EXOSC10: variants seen among roughly 807,000 people sequenced by gnomAD.
EXOSC10 encodes exosome component 10.
EXOSC10 carries 94 observed loss-of-function variants against 126.6 expected under a neutral mutation model. The ratio of observed to expected loss-of-function variants is 0.74; its 90% confidence interval spans 0.63 to 0.88. EXOSC10 has a LOEUF of 0.88. Among genes scored for constraint, EXOSC10 ranks in the 40% least tolerant of loss-of-function variants. The pLI is 0.00. For missense variants in EXOSC10, 1,041 were observed against 1,100.5 expected, an observed-to-expected ratio of 0.95 and a Z score of 0.77; for synonymous variants, 395 against 400.8, an observed-to-expected ratio of 0.99 and a Z score of 0.17.
chr1:11,089,621 C>CAAAA (rs1228653546), intron 6 of EXOSC10, among the ~76,000 whole-genome samples: 2 of 98,318 alleles, frequency 2.0e-5, no homozygotes, highest in Non-Finnish European at 4.3e-5. Context: ...AACTCCGTCC[C>CAAAA]AAAAAAAAAA....
At chr1:11,084,858 T>C (rs202034213) in intron 9 of EXOSC10, among the ~76,000 whole-genome samples, 2,952 of 152,316 alleles carry the variant, frequency 0.019, 61 homozygotes, top group East Asian at 0.056. Flanking sequence ...TAGCCAGTTT[T>C]CCCAGCACCA....
At position 11,090,978 on chromosome 1, in the gene EXOSC10, T is replaced by C. The variant is rs1640770613; in HGVS notation, c.643+36A>G. On this transcript the variant is annotated intron_variant, in intron 5 of 24. Coordinates refer to ENST00000376936, the MANE Select transcript of EXOSC10 (RefSeq NM_001001998.3). ...TTCCTGGTTTTTGCATCAAATAAAG[T>C]GAGACTCAAACACAGGCAAAGTATG... 3.1e-6 allele frequency: 5 copies of C among 1,599,622 alleles called. No individual in the cohort carries two copies. In the South Asian group the frequency reaches 4.5e-5, roughly 14 times the overall value.
rs1640693208 is a variant in EXOSC10, at chr1:11,089,633, A to AG, written c.758+920_758+921insC. Among the ~76,000 whole-genome samples, 3 of 148,792 alleles carry AG rather than the reference A, an allele frequency of 2.0e-5. No homozygotes were observed. The South Asian group carries it at 6.3e-4, about 31-fold the overall frequency. On this transcript the variant is annotated intron_variant, in intron 6 of 24. Transcript: ENST00000376936. ...CGAAACTCCGTCCCAAAAAAAAAAA[A>AG]AAAGAAAGAAAGAAAGAAAGAAAGA...
intron 2 of EXOSC10, among the ~76,000 whole-genome samples, chr1:11,097,027 C>T (rs1273341189): frequency 6.6e-6 from 1 of 152,084 alleles, no homozygotes; most frequent in Non-Finnish European, 1.5e-5. Flanking sequence ...GCCTGGCCAA[C>T]ATGGTGAAAC....
At chr1:11,068,741 G>C (rs764240908) in intron 22 of EXOSC10, 35 bp from the exon 23 acceptor site, 1 of 1,554,034 alleles carries the variant, frequency 6.4e-7, no homozygotes, top group Non-Finnish European at 8.9e-7. Context: ...CCTGCGGTCA[G>C]GTCAATGAGT....
At chr1:11,096,903 C>A (rs1415806385) in intron 2 of EXOSC10, among the ~76,000 whole-genome samples, 1 of 152,026 alleles carries the variant, frequency 6.6e-6, no homozygotes, top group Non-Finnish European at 1.5e-5. Context: ...CATGGTGAAA[C>A]CCCATCTCTA....
chr1:11,075,229 G>C (rs1639741541), intron 17 of EXOSC10, among the ~76,000 whole-genome samples: 2 of 152,050 alleles, frequency 1.3e-5, no homozygotes, highest in South Asian at 2.1e-4. Context: ...ATGTTGGCCA[G>C]GCTGGTCTCA....
chr1:11,087,602 C>CA lies in EXOSC10; in HGVS notation c.946-12dup, dbSNP rs774088397. 62 of 1,613,204 alleles carry CA rather than the reference C, an allele frequency of 3.8e-5. No homozygotes were observed. In the Admixed American group the frequency reaches 1.0e-3, roughly 27 times the overall value. On this transcript the variant is annotated splice_polypyrimidine_tract_variant and intron_variant, in intron 8 of 24. Transcript: ENST00000376936. ...CCTGTAAGAGTGGTGCTAAACCCCACAGAAGGAGGGGAGAAGAGGAAAAAC... is the reference window on the plus strand; with the variant it reads ...CCTGTAAGAGTGGTGCTAAACCCCACAAGAAGGAGGGGAGAAGAGGAAAAAC...
At chr1:11,077,134 G>C in intron 16 of EXOSC10, 186 bp from the exon 17 acceptor site, 1 of 621,866 alleles carries the variant, frequency 1.6e-6, no homozygotes, top group Non-Finnish European at 2.8e-6. Flanking sequence ...TAAGATTACA[G>C]GTGCCCACCA....
intron 23 of EXOSC10, chr1:11,068,379 A>T: frequency 1.7e-6 from 1 of 590,734 alleles, no homozygotes. Context: ...TGCTGGCCCC[A>T]AAGGGGGTGC....
At position 11,099,794 on chromosome 1, in the gene EXOSC10, G is replaced by A. The variant is rs146839323; in HGVS notation, c.38C>T (p.Ser13Leu). ...GTCGGATTTGGTTGCGCTGGTCGCC[G>A]ACAGGACCCTGGGCTCCCGGGTACT... Reference protein sequence around the residue: ...PPSTREPRVLSATSATKSDGE... With the variant: ...PPSTREPRVLLATSATKSDGE... The change falls in exon 1 of 25, where the codon TCG becomes TTG. Residue 13 changes from serine to leucine, a missense_variant. By Grantham distance (145) the Ser-to-Leu change is moderately radical. This residue lies in a region of EXOSC10 where 645 missense variants were observed against 656.3 expected (regional missense o/e 0.98). Transcript: ENST00000376936. The A allele has an allele frequency of 1.9e-3, 3,001 of 1,611,892 alleles. 11 individuals are homozygous for A. The highest frequency in any genetic ancestry group is 2.2e-3 in the Non-Finnish European group (2,613 of 1,178,980).
Position 11,082,857 on chromosome 1 carries a change from C to G in EXOSC10, c.1111G>C (p.Asp371His). ...AAGTCTTTCTGTAGCCATTCTATGT[C>G]TGAATCAGCACCATGAAAGACCTGA... Reference protein sequence around the residue: ...IVKVFHGADSDIEWLQKDFGL... With the variant: ...IVKVFHGADSHIEWLQKDFGL... The change falls in exon 10 of 25, where the codon GAC becomes CAC. Residue 371 changes from aspartate (D) to histidine (H), a missense_variant. Around this residue, in one of 3 missense-constraint regions of EXOSC10, gnomAD observed 645 missense variants for 656.3 expected, o/e 0.98. Coordinates refer to ENST00000376936, the MANE Select transcript of EXOSC10 (RefSeq NM_001001998.3). 4.3e-6 allele frequency: 7 copies of G among 1,614,178 alleles called. No individual in the cohort carries two copies. The highest frequency in any genetic ancestry group is 5.9e-6 in the Non-Finnish European group (7 of 1,180,022).
At chr1:11,093,837 G>A (rs770404887) in intron 3 of EXOSC10, among the ~76,000 whole-genome samples, 3 of 151,638 alleles carry the variant, frequency 2.0e-5, no homozygotes, top group Admixed American at 6.6e-5. Context: ...AGGCTGAGGT[G>A]GGGGGGGATT....
intron 14 of EXOSC10, among the ~76,000 whole-genome samples, chr1:11,078,304 C>A (rs886565950): frequency 2.5e-4 from 38 of 149,718 alleles, no homozygotes; most frequent in Non-Finnish European, 5.9e-5. Context: ...GTCGCCCAGA[C>A]TGGAGTGCAG....
In EXOSC10 at chr1:11,067,997, C is replaced by G; in HGVS notation, c.2627+11G>C. On this transcript the variant is annotated intron_variant, in intron 24 of 24. Coordinates refer to ENST00000376936, the MANE Select transcript of EXOSC10 (RefSeq NM_001001998.3). ...TGGGCTCCCTGGGCCACACCGCCGT[C>G]CACCACATACCTGTCTGACTTTCCA... 1 of 1,613,632 alleles carries G rather than the reference C, an allele frequency of 6.2e-7. No individual in the cohort carries two copies. Among genetic ancestry groups the G allele is most frequent in the Non-Finnish European group, 8.5e-7 (1 of 1,179,626 alleles).
Position 11,099,721 on chromosome 1 carries a change from C to T in EXOSC10, c.111G>A (p.Lys37=), listed in dbSNP as rs761954511. 3.1e-6 allele frequency: 5 copies of T among 1,603,822 alleles called. No homozygotes were observed. The African/African-American group carries it at 4.0e-5, about 13-fold the overall frequency. Residue 37 remains lysine, a splice_region_variant and synonymous_variant, in exon 1 of 25, where the codon AAG becomes AAA. Coordinates refer to ENST00000376936, the MANE Select transcript of EXOSC10 (RefSeq NM_001001998.3). Reference sequence around the variant, plus strand: ...TACCCCCGAGGCCCCGCGAACTCACCTTCACAAAGCTGTCGGCGTCCGGGA... The same window carrying T: ...TACCCCCGAGGCCCCGCGAACTCACTTTCACAAAGCTGTCGGCGTCCGGGA... ...PGFPDADSFV[K]FALGSVVAVT...
intron 17 of EXOSC10, among the ~76,000 whole-genome samples, chr1:11,075,497 C>A (rs1445563733): frequency 6.6e-6 from 1 of 152,198 alleles, no homozygotes; most frequent in Non-Finnish European, 1.5e-5. Context: ...ACTTCCGTAT[C>A]AAAGCAGCCC....
At chr1:11,074,910 T>G (rs1436653206) in intron 17 of EXOSC10, among the ~76,000 whole-genome samples, 1 of 152,176 alleles carries the variant, frequency 6.6e-6, no homozygotes, top group East Asian at 1.9e-4. Flanking sequence ...AACTGAGGCC[T>G]ACAGAGGTTG....
chr1:11,087,675 A>G lies in EXOSC10; in HGVS notation c.946-84T>C, dbSNP rs925553425. 8.4e-6 allele frequency: 13 copies of G among 1,550,574 alleles called. No individual in the cohort carries two copies. In the African/African-American group the frequency reaches 1.5e-4, roughly 18 times the overall value. ...TTACTGATTTTGAAAAGTCAGCTAC[A>G]AAGCTAAGTTATATGATTAATTTTT... is the stretch of plus-strand genomic sequence containing the variant. On this transcript the variant is annotated intron_variant, in intron 8 of 24. Coordinates refer to ENST00000376936, the MANE Select transcript of EXOSC10 (RefSeq NM_001001998.3).
Sources: gnomAD v4.1 joint callset for allele counts (sites outside exome capture counted in the v4.1 genomes callset) on GRCh38, gnomAD v4.1.1 for gene constraint, gnomAD v4.1.1 regional missense constraint, MANE v1.5 for transcripts, NCBI Gene and HGNC (gene_info 2026-07-23, HGNC 2026-07-21) for gene names.